Variants in PTPRD observed in about 807,000 individuals in gnomAD.
PTPRD encodes the protein protein tyrosine phosphatase receptor type D.
A neutral mutation model predicts 214.5 loss-of-function variants in PTPRD; 34 were observed. The ratio of observed to expected loss-of-function variants is 0.16; its 90% CI spans 0.12 to 0.21. The LOEUF is 0.21. Among genes scored for constraint, PTPRD ranks in the 10% least tolerant of loss-of-function variants. PTPRD has a pLI of 1.00. For missense variants in PTPRD, 2,545 were observed against 2,398.7 expected, an observed-to-expected ratio of 1.06 and a Z score of -1.27; for synonymous variants, 1,128 against 845.7, an observed-to-expected ratio of 1.33 and a Z score of -5.79.
At chr9:9,351,080 GA>G (rs1239588676) in intron 9 of PTPRD, among the ~76,000 whole-genome samples, 1 of 152,032 alleles carries the variant, frequency 6.6e-6, no homozygotes, top group Non-Finnish European at 1.5e-5. Flanking sequence ...AGGGTTACAT[GA>G]ACACTTGCTG....
At chr9:9,137,784 A>G (rs932228012) in intron 10 of PTPRD, among the ~76,000 whole-genome samples, 1 of 152,140 alleles carries the variant, frequency 6.6e-6, no homozygotes, top group African/African-American at 2.4e-5. Context: ...TGGTGCATCC[A>G]TTTGTCTCAT....
chr9:9,626,874 G>A (rs1296390661), intron 7 of PTPRD, among the ~76,000 whole-genome samples: 1 of 152,178 alleles, frequency 6.6e-6, no homozygotes, highest in African/African-American at 2.4e-5. Context: ...TGAATGTTAA[G>A]TGAAAGGAGA....
rs1275503254 is a variant in PTPRD, at chr9:10,569,516, TC to T, written c.-600+42881del. On this transcript the variant is annotated intron_variant, in intron 2 of 45. Transcript: ENST00000381196. Reference sequence around the variant, plus strand: ...TTGTGTATATGCATGTCTCTCTCTCTCTCTCTCTCTCTCTCTGTGTGTATAT... The same window carrying T: ...TTGTGTATATGCATGTCTCTCTCTCTTCTCTCTCTCTCTCTGTGTGTATAT... Among the ~76,000 whole-genome samples, 601 of 151,850 alleles carry T rather than the reference TC, an allele frequency of 4.0e-3. 4 individuals carry two copies. The highest frequency in any genetic ancestry group is 0.014 in the African/African-American group (570 of 41,512).
intron 7 of PTPRD, among the ~76,000 whole-genome samples, chr9:9,679,080 G>C (rs1260038912): frequency 6.7e-6 from 1 of 148,860 alleles, no homozygotes; most frequent in Non-Finnish European, 1.5e-5. Flanking sequence ...AATTTCAAAA[G>C]AGGAGAGAGA....
intron 11 of PTPRD, among the ~76,000 whole-genome samples, chr9:8,753,749 A>G (rs2093734896): frequency 6.6e-6 from 1 of 152,250 alleles, no homozygotes; most frequent in African/African-American, 2.4e-5. Context: ...AAATGTAACA[A>G]AAGTTCACAA....
At chr9:10,143,042 CAT>C (rs2098997447) in intron 3 of PTPRD, among the ~76,000 whole-genome samples, 1 of 151,972 alleles carries the variant, frequency 6.6e-6, no homozygotes, top group African/African-American at 2.4e-5. Flanking sequence ...CCAAACACCG[CAT>C]ATTGTCACTC....
chr9:9,837,874 C>G (rs1362797798), intron 5 of PTPRD, among the ~76,000 whole-genome samples: 1 of 152,198 alleles, frequency 6.6e-6, no homozygotes, highest in Non-Finnish European at 1.5e-5. Flanking sequence ...CCCATTAACT[C>G]GTCATTTAGC....
intron 2 of PTPRD, among the ~76,000 whole-genome samples, chr9:10,432,191 A>T (rs921291771): frequency 1.3e-5 from 2 of 150,664 alleles, no homozygotes; most frequent in Non-Finnish European, 3.0e-5. Flanking sequence ...CAAGAACAAA[A>T]AACCAAACAC....
intron 2 of PTPRD, among the ~76,000 whole-genome samples, chr9:10,491,993 T>C (rs2040430821): frequency 1.3e-5 from 2 of 152,170 alleles, no homozygotes; most frequent in South Asian, 2.1e-4. Context: ...GTTAGTTTGC[T>C]GAGAATGATG....
chr9:8,577,428 T>C (rs965838211), intron 14 of PTPRD, among the ~76,000 whole-genome samples: 13 of 152,044 alleles, frequency 8.6e-5, no homozygotes, highest in African/African-American at 3.1e-4. Flanking sequence ...GAAAAAATTG[T>C]ATTTTTAGTA....
chr9:8,440,186 C>A (rs1263282069), intron 34 of PTPRD, among the ~76,000 whole-genome samples: 1 of 151,870 alleles, frequency 6.6e-6, no homozygotes, highest in African/African-American at 2.4e-5. Flanking sequence ...CTCTCTAACA[C>A]CCCATTAGCA....
chr9:10,142,972 G>T (rs1332423182), intron 3 of PTPRD, among the ~76,000 whole-genome samples: 1 of 151,962 alleles, frequency 6.6e-6, no homozygotes, highest in Admixed American at 6.6e-5. Context: ...CATGTCCTTT[G>T]TAGGGACATG....
intron 11 of PTPRD, among the ~76,000 whole-genome samples, chr9:8,735,082 G>A (rs34478302): frequency 0.47 from 71,188 of 151,342 alleles, 21,159 homozygotes; most frequent in Non-Finnish European, 0.67. Context: ...ATCAGAGTTC[G>A]TGGGTCAGTA....
At chr9:10,503,310 G>GC (rs2044544772) in intron 2 of PTPRD, among the ~76,000 whole-genome samples, 1 of 149,154 alleles carries the variant, frequency 6.7e-6, no homozygotes, top group African/African-American at 2.5e-5. Flanking sequence ...TACTAAACAA[G>GC]CCATGTATAT....
At chr9:10,598,162 T>A (rs1007377644) in intron 2 of PTPRD, among the ~76,000 whole-genome samples, 1 of 151,800 alleles carries the variant, frequency 6.6e-6, no homozygotes, top group African/African-American at 2.4e-5. Context: ...ATGTGAATTA[T>A]AACTGTAGAG....
intron 3 of PTPRD, among the ~76,000 whole-genome samples, chr9:10,249,138 G>C (rs949317147): frequency 3.3e-5 from 5 of 152,096 alleles, no homozygotes; most frequent in African/African-American, 9.7e-5. Context: ...GTGACTAAAA[G>C]TGATTTTGAG....
rs538180804 is a variant in PTPRD at position 8,885,787 on chromosome 9, G to A, written c.-104+132910C>T. ...GCTGGGATTATCAGCGTGACCCACC[G>A]TGCCCGGCCTGCCTCTGTCTTTAGA... is the stretch of plus-strand genomic sequence containing the variant. On this transcript the variant is annotated intron_variant, in intron 11 of 45. Coordinates refer to ENST00000381196, the MANE Select transcript of PTPRD (RefSeq NM_002839.4). Among the ~76,000 whole-genome samples the A allele has an allele frequency of 1.2e-4, 18 of 152,074 alleles. 1 individual carries two copies. Among genetic ancestry groups the A allele is most frequent in the Middle Eastern group, 3.4e-3 (1 of 294 alleles).
At chr9:9,433,784 T>G (rs986166247) in intron 8 of PTPRD, among the ~76,000 whole-genome samples, 1 of 152,178 alleles carries the variant, frequency 6.6e-6, no homozygotes, top group African/African-American at 2.4e-5. Context: ...AAATGGCCAT[T>G]GCATGTAAGA....
intron 5 of PTPRD, among the ~76,000 whole-genome samples, chr9:9,909,831 T>TA (rs2078683201): frequency 1.3e-5 from 2 of 151,914 alleles, no homozygotes; most frequent in African/African-American, 4.8e-5. Flanking sequence ...CAACATCTGT[T>TA]TTTGCCTATA....
Sources: gnomAD v4.1 joint callset for allele counts (sites outside exome capture counted in the v4.1 genomes callset) on GRCh38, gnomAD v4.1.1 for gene constraint, MANE v1.5 for transcripts, NCBI Gene and HGNC (gene_info 2026-07-23, HGNC 2026-07-21) for gene names.